OPCML: variants seen among roughly 807,000 people sequenced by gnomAD.
OPCML encodes opioid-binding protein/cell adhesion molecule.
A neutral mutation model predicts 37.8 loss-of-function variants in OPCML; 13 were observed. That is an observed-to-expected ratio of 0.34 (90% CI 0.22 to 0.55). The LOEUF is 0.55. Ranked by LOEUF, OPCML falls within the 20% of genes least tolerant of loss-of-function variation. The probability of loss-of-function intolerance (pLI) is 0.91; values close to 1 mark genes in which losing one functional copy is unlikely to be tolerated. For synonymous variants in OPCML, 176 were observed against 168.8 expected (o/e 1.04, Z -0.33); for missense variants, 341 against 435.6 (o/e 0.78, Z 1.93).
At chr11:132,825,665 T>C (rs1940269318) in intron 2 of OPCML, among the ~76,000 whole-genome samples, 1 of 152,202 alleles carries the variant, frequency 6.6e-6, no homozygotes, top group Non-Finnish European at 1.5e-5. Flanking sequence ...AATACAACTC[T>C]AATTAAACAA....
intron 1 of OPCML, among the ~76,000 whole-genome samples, chr11:133,315,086 T>C (rs1943172776): frequency 6.6e-6 from 1 of 152,160 alleles, no homozygotes; most frequent in African/African-American, 2.4e-5. Context: ...GGTTTGCAAA[T>C]TCATTGAATT....
Position 133,439,669 on chromosome 11 carries a change from G to GTTTTTT in OPCML, c.61+92594_61+92595insAAAAAA, listed in dbSNP as rs555220531. Among the ~76,000 whole-genome samples the GTTTTTT allele has an allele frequency of 2.7e-3, 414 of 151,732 alleles. 3 individuals are homozygous for GTTTTTT. Among genetic ancestry groups the GTTTTTT allele is most frequent in the African/African-American group, 9.7e-3 (400 of 41,382 alleles). On this transcript the variant is annotated intron_variant, in intron 1 of 7. Coordinates refer to ENST00000524381, the MANE Select transcript of OPCML (RefSeq NM_001012393.5). ...TTTTTAGTAGAGACGGGGTTTCACC[G>GTTTTTT]TTTTAGCCAGGATGGTCTCGATCTC...
intron 1 of OPCML, among the ~76,000 whole-genome samples, chr11:133,262,874 A>C (rs369289442): frequency 1.2e-4 from 18 of 151,798 alleles, no homozygotes; most frequent in African/African-American, 4.3e-4. Flanking sequence ...GCGTGAGGAC[A>C]CTCACTCTAC....
chr11:133,165,357 C>T (rs1950195590), intron 1 of OPCML, among the ~76,000 whole-genome samples: 1 of 152,098 alleles, frequency 6.6e-6, no homozygotes, highest in Admixed American at 6.5e-5. Context: ...AAGGGCCCCT[C>T]CCCTTCATCC....
At chr11:132,906,888 G>A (rs1316049815) in intron 2 of OPCML, among the ~76,000 whole-genome samples, 1 of 152,148 alleles carries the variant, frequency 6.6e-6, no homozygotes, top group Non-Finnish European at 1.5e-5. Context: ...TGTAATAGAG[G>A]GTAGTGGGGA....
intron 1 of OPCML, among the ~76,000 whole-genome samples, chr11:133,239,378 A>G (rs1014280091): frequency 2.0e-5 from 3 of 152,186 alleles, no homozygotes; most frequent in Non-Finnish European, 4.4e-5. Context: ...TTGGACCCCT[A>G]CCATTTTCTG....
At chr11:133,420,524 A>G in intron 1 of OPCML, 1 of 983,026 alleles carries the variant, frequency 1.0e-6, no homozygotes, top group South Asian at 4.7e-5. Flanking sequence ...TTAACAACTT[A>G]TTCTAATTTA....
intron 4 of OPCML, among the ~76,000 whole-genome samples, chr11:132,440,493 G>C (rs1378178113): frequency 1.3e-5 from 2 of 152,096 alleles, no homozygotes; most frequent in African/African-American, 4.8e-5. Context: ...GCTGTTCGTG[G>C]GCTCTCTCCC....
intron 2 of OPCML, among the ~76,000 whole-genome samples, chr11:132,658,247 A>G (rs1941800345): frequency 6.6e-6 from 1 of 152,246 alleles, no homozygotes; most frequent in African/African-American, 2.4e-5. Context: ...GGAATGCACA[A>G]GGACAACCAC....
intron 1 of OPCML, among the ~76,000 whole-genome samples, chr11:133,221,964 G>A (rs961930814): frequency 6.6e-6 from 1 of 152,172 alleles, no homozygotes; most frequent in Admixed American, 6.5e-5. Context: ...TTTCTGGGGT[G>A]ACAAAGCTGA....
In OPCML at chr11:132,927,248, A is replaced by G. The variant is rs546561620; in HGVS notation, c.146+15678T>C. Among the ~76,000 whole-genome samples, 10 of 152,286 alleles carry G rather than the reference A, an allele frequency of 6.6e-5. No individual in the cohort carries two copies. In the South Asian group the frequency reaches 1.9e-3, roughly 28 times the overall value. On this transcript the variant is annotated intron_variant, in intron 2 of 7. Transcript: ENST00000524381. Reference sequence around the variant, plus strand: ...CCCAAGGATACCCACAGTGAGATACATTATAAAAAAATGTCAAAGACCAAA... The same window carrying G: ...CCCAAGGATACCCACAGTGAGATACGTTATAAAAAAATGTCAAAGACCAAA...
Position 133,505,202 on chromosome 11 carries a change from T to C in OPCML, c.61+27062A>G, listed in dbSNP as rs372878338. Among the ~76,000 whole-genome samples, 253 of 152,346 alleles carry C rather than the reference T, an allele frequency of 1.7e-3. 2 individuals carry two copies. The Middle Eastern group carries it at 0.017, about 10-fold the overall frequency. On this transcript the variant is annotated intron_variant, in intron 1 of 7. Coordinates refer to ENST00000524381, the MANE Select transcript of OPCML (RefSeq NM_001012393.5). ...TTCAAGTATCTGTTAATAGTTTCAGTGCTTATTGGGAAGGGATTAAGACCT... is the reference window on the plus strand; with the variant it reads ...TTCAAGTATCTGTTAATAGTTTCAGCGCTTATTGGGAAGGGATTAAGACCT...
chr11:133,198,039 T>C (rs1322174588), intron 1 of OPCML, among the ~76,000 whole-genome samples: 1 of 152,136 alleles, frequency 6.6e-6, no homozygotes, highest in East Asian at 1.9e-4. Flanking sequence ...CTGTGTAAGG[T>C]CCACACTTCT....
chr11:133,168,207 A>C (rs545102938), intron 1 of OPCML, among the ~76,000 whole-genome samples: 1 of 152,260 alleles, frequency 6.6e-6, no homozygotes, highest in East Asian at 1.9e-4. Context: ...TGCCTCCCCG[A>C]ATTGCGCAAT....
At chr11:133,490,391 T>G (rs1240598124) in intron 1 of OPCML, among the ~76,000 whole-genome samples, 2 of 152,240 alleles carry the variant, frequency 1.3e-5, no homozygotes, top group Non-Finnish European at 2.9e-5. Flanking sequence ...TGTATATTCC[T>G]AATTTTTCAT....
chr11:133,439,184 G>T, intron 1 of OPCML: 1 of 661,018 alleles, frequency 1.5e-6, no homozygotes, highest in Non-Finnish European at 1.9e-6. Flanking sequence ...AAGTGGGGCA[G>T]TCTTGTGGGA....
intron 1 of OPCML, among the ~76,000 whole-genome samples, chr11:133,134,317 A>G (rs1949648605): frequency 6.6e-6 from 1 of 152,150 alleles, no homozygotes; most frequent in Non-Finnish European, 1.5e-5. Context: ...GAGTGATTTG[A>G]GCATCTACAA....
chr11:132,529,248 T>A, intron 3 of OPCML, 62 bp from the exon 4 acceptor site: 1 of 1,526,218 alleles, frequency 6.6e-7, no homozygotes, highest in Middle Eastern at 1.9e-4. Context: ...AAAGGAGGTG[T>A]TAGCCTACAA....
chr11:133,175,948 A>G (rs1950366599), intron 1 of OPCML, among the ~76,000 whole-genome samples: 1 of 152,160 alleles, frequency 6.6e-6, no homozygotes, highest in Non-Finnish European at 1.5e-5. Context: ...CTACCAAGTG[A>G]AGGATTATGG....
Sources: allele counts gnomAD v4.1 joint callset (sites outside exome capture counted in the v4.1 genomes callset), GRCh38; gene constraint gnomAD v4.1.1; transcripts MANE v1.5; gene names NCBI Gene and HGNC (gene_info 2026-07-23, HGNC 2026-07-21).